Variants in MAML3 observed in about 807,000 individuals in gnomAD.
MAML3 encodes mastermind like transcriptional coactivator 3, also known as mastermind-like protein 3.
MAML3 carries 27 observed loss-of-function variants against 101.9 expected under a neutral mutation model. The ratio of observed to expected loss-of-function variants is 0.27; its 90% CI spans 0.20 to 0.37. MAML3 has a LOEUF of 0.37. Ranked by LOEUF, MAML3 falls within the 10% of genes least tolerant of loss-of-function variation. The pLI, the probability that MAML3 is intolerant of heterozygous loss-of-function variation, is 1.00. For missense variants in MAML3, 1,316 were observed against 1,444.9 expected, an observed-to-expected ratio of 0.91 and a Z score of 1.45; for synonymous variants, 501 against 555.9, an observed-to-expected ratio of 0.90 and a Z score of 1.39.
intron 2 of MAML3, among the ~76,000 whole-genome samples, chr4:139,771,702 C>A (rs972787782): frequency 6.6e-6 from 1 of 152,130 alleles, no homozygotes; most frequent in Non-Finnish European, 1.5e-5. Flanking sequence ...TATTTAACTG[C>A]AAATTCCCCA....
At position 139,890,980 on chromosome 4, in the gene MAML3, C is replaced by A; in HGVS notation, c.469-13G>T. ...CAGTCTCTTGTAGCTGGAAAAGAAA[C>A]AGGAAAGAGGATGACTAAACCTCCA... On this transcript the variant is annotated splice_polypyrimidine_tract_variant and intron_variant, in intron 1 of 4. Coordinates refer to ENST00000509479, the MANE Select transcript of MAML3 (RefSeq NM_018717.5). This position sits in a 1 kb window ranked among gnomAD's most constrained non-coding sequence, Gnocchi z 4.1. 1 of 1,604,852 alleles carries A rather than the reference C, an allele frequency of 6.2e-7. No individual in the cohort carries two copies.
At chr4:140,012,199 G>T (rs1190359959) in intron 1 of MAML3, among the ~76,000 whole-genome samples, 1 of 152,120 alleles carries the variant, frequency 6.6e-6, no homozygotes, top group Admixed American at 6.5e-5. Context: ...GAAGATAAAA[G>T]AATTAATGTT....
chr4:139,948,972 A>G (rs1733784237), intron 1 of MAML3, among the ~76,000 whole-genome samples: 1 of 152,078 alleles, frequency 6.6e-6, no homozygotes, highest in Non-Finnish European at 1.5e-5. Context: ...TCTACGCCTT[A>G]TTGACATGCT....
intron 1 of MAML3, among the ~76,000 whole-genome samples, chr4:139,927,055 G>T (rs1733277324): frequency 1.4e-5 from 2 of 148,002 alleles, no homozygotes; most frequent in South Asian, 4.2e-4. Context: ...TGTGTTTAAT[G>T]AGTTTTTTTC....
intron 1 of MAML3, among the ~76,000 whole-genome samples, chr4:140,086,353 C>T (rs1727951501): frequency 6.6e-6 from 1 of 152,214 alleles, no homozygotes; most frequent in African/African-American, 2.4e-5. Context: ...AACAGGTCAT[C>T]TCCAGTATCC....
chr4:139,797,026 G>T (rs542808310), intron 2 of MAML3, among the ~76,000 whole-genome samples: 1 of 152,216 alleles, frequency 6.6e-6, no homozygotes, highest in East Asian at 1.9e-4. Flanking sequence ...TTGCTGTGAG[G>T]TCTAAAAGTG....
intron 1 of MAML3, among the ~76,000 whole-genome samples, chr4:140,040,624 G>A (rs951677762): frequency 5.3e-5 from 8 of 152,152 alleles, no homozygotes; most frequent in Non-Finnish European, 8.8e-5. Flanking sequence ...ACAATACAGG[G>A]TACGGTGATG....
chr4:140,125,360 G>T (rs1728667584), intron 1 of MAML3, among the ~76,000 whole-genome samples: 1 of 152,072 alleles, frequency 6.6e-6, no homozygotes, highest in Admixed American at 6.6e-5. Context: ...TTGAGCCCAG[G>T]AGTTTGAGGC....
intron 2 of MAML3, among the ~76,000 whole-genome samples, chr4:139,790,271 CTATATATAATATATACCCTA>C (rs1292517735): frequency 8.2e-6 from 1 of 122,060 alleles, no homozygotes; most frequent in East Asian, 2.2e-4. Context: ...AAATATATAC[CTATATATAATATATACCCTA>C]TATATATAAT....
chr4:139,789,285 A>G (rs1730361313), intron 2 of MAML3, among the ~76,000 whole-genome samples: 1 of 152,214 alleles, frequency 6.6e-6, no homozygotes, highest in Admixed American at 6.5e-5. Flanking sequence ...AGGAACTCAC[A>G]GTGTTCCACG....
intron 1 of MAML3, among the ~76,000 whole-genome samples, chr4:139,949,170 G>A (rs115417037): frequency 0.013 from 2,009 of 152,056 alleles, 29 homozygotes; most frequent in Non-Finnish European, 0.02. Context: ...CACGCGGCAC[G>A]ACACCCAGCT....
chr4:139,845,782 T>G (rs1474690916), intron 2 of MAML3, among the ~76,000 whole-genome samples: 1 of 152,240 alleles, frequency 6.6e-6, no homozygotes, highest in Non-Finnish European at 1.5e-5. Context: ...TACCTGATAT[T>G]ATGATAATTC....
At chr4:140,074,261 G>GAAAGAAAGAA in intron 1 of MAML3, among the ~76,000 whole-genome samples, 2 of 150,390 alleles carry the variant, frequency 1.3e-5, no homozygotes, top group Non-Finnish European at 3.0e-5. Flanking sequence ...AAGAAAGAAA[G>GAAAGAAAGAA]AGGACATGTG....
At chr4:140,116,219 C>CA (rs1425130278) in intron 1 of MAML3, among the ~76,000 whole-genome samples, 1 of 152,178 alleles carries the variant, frequency 6.6e-6, no homozygotes, top group Non-Finnish European at 1.5e-5. Context: ...GACAATACCA[C>CA]AAATTATTAA....
intron 1 of MAML3, among the ~76,000 whole-genome samples, chr4:140,004,704 C>T (rs1726417465): frequency 6.6e-6 from 1 of 152,064 alleles, no homozygotes; most frequent in South Asian, 2.1e-4. Flanking sequence ...ACGCAGCGCT[C>T]ACGGGGCTGG....
intron 2 of MAML3, among the ~76,000 whole-genome samples, chr4:139,849,084 A>T (rs1014997314): frequency 6.6e-6 from 1 of 152,142 alleles, no homozygotes; most frequent in Non-Finnish European, 1.5e-5. Context: ...ATATTTAAAC[A>T]CTATTAGATC....
chr4:139,821,524 T>C (rs906178380), intron 2 of MAML3, among the ~76,000 whole-genome samples: 2 of 152,252 alleles, frequency 1.3e-5, no homozygotes, highest in African/African-American at 2.4e-5. Flanking sequence ...TCTAGGAAAC[T>C]GGTCCCTGGT....
At chr4:139,927,960 T>C (rs1430196729) in intron 1 of MAML3, among the ~76,000 whole-genome samples, 1 of 152,226 alleles carries the variant, frequency 6.6e-6, no homozygotes, top group Non-Finnish European at 1.5e-5. Flanking sequence ...TTATTGCTAC[T>C]GGGCTGTTGC....
intron 1 of MAML3, among the ~76,000 whole-genome samples, chr4:140,103,901 A>G (rs1433610223): frequency 6.6e-6 from 1 of 152,148 alleles, no homozygotes; most frequent in Non-Finnish European, 1.5e-5. Context: ...TAAGATCAAA[A>G]CTGCATTCTT....
Sources: gnomAD v4.1 joint callset for allele counts (sites outside exome capture counted in the v4.1 genomes callset) on GRCh38, gnomAD v4.1.1 for gene constraint, Gnocchi (gnomAD v3.1) non-coding constraint, MANE v1.5 for transcripts, NCBI Gene and HGNC (gene_info 2026-07-23, HGNC 2026-07-21) for gene names.